Variants in ADRA1B observed in about 807,000 individuals in gnomAD.
ADRA1B encodes alpha-1B adrenergic receptor.
ADRA1B carries 17 observed loss-of-function variants against 17.9 expected under a neutral mutation model. The ratio of observed to expected loss-of-function variants is 0.95; its 90% CI spans 0.65 to 1.42. The LOEUF (loss-of-function observed/expected upper bound fraction) is 1.42, where lower values mean the gene tolerates loss of function less well. Among genes scored for constraint, ADRA1B ranks in the 40% most tolerant of loss-of-function variants. ADRA1B has a pLI of 0.00. For synonymous variants in ADRA1B, 366 were observed against 327.6 expected (o/e 1.12, Z -1.27); for missense variants, 681 against 722.1 (o/e 0.94, Z 0.65).
intron 1 of ADRA1B, chr5:159,888,608 A>C (rs1274504796): frequency 6.6e-6 from 1 of 151,270 alleles, no homozygotes; most frequent in Non-Finnish European, 1.5e-5. Flanking sequence ...GTAGAAGAAC[A>C]AAAAAAAATG....
rs143092552 is a variant in ADRA1B, at chr5:159,905,671, T to C, written c.-255-10448T>C. Among the ~76,000 whole-genome samples the C allele has an allele frequency of 6.0e-3, 911 of 152,266 alleles. 31 individuals are homozygous for C. The highest frequency in any genetic ancestry group is 0.049 in the Admixed American group (753 of 15,286). On this transcript the variant is annotated intron_variant, in intron 1 of 2. Coordinates refer to the ADRA1B transcript ENST00000641205. Reference sequence around the variant, plus strand: ...TCAAAGAGTCATATGCAGAAGTATGTAACCACAAACCATAGCAAATGCTAT... The same window carrying C: ...TCAAAGAGTCATATGCAGAAGTATGCAACCACAAACCATAGCAAATGCTAT...
chr5:159,954,049 ATT>A (rs1755501826), intron 1 of ADRA1B, among the ~76,000 whole-genome samples: 1 of 152,202 alleles, frequency 6.6e-6, no homozygotes, highest in Non-Finnish European at 1.5e-5. Context: ...GACAAAAGAC[ATT>A]TATATGAATT....
At chr5:159,953,701 G>A (rs1230720776) in intron 1 of ADRA1B, among the ~76,000 whole-genome samples, 3 of 152,292 alleles carry the variant, frequency 2.0e-5, no homozygotes, top group Admixed American at 6.5e-5. Flanking sequence ...TGTGAGGACT[G>A]AATAATTAGT....
intron 1 of ADRA1B, among the ~76,000 whole-genome samples, chr5:159,887,823 T>C (rs1753941880): frequency 6.6e-6 from 1 of 152,016 alleles, no homozygotes; most frequent in Non-Finnish European, 1.5e-5. Context: ...TAATGCAGAG[T>C]TATAACTATG....
chr5:159,873,234 A>T (rs541289503), intron 1 of ADRA1B, among the ~76,000 whole-genome samples: 1 of 152,210 alleles, frequency 6.6e-6, no homozygotes, highest in Non-Finnish European at 1.5e-5. Flanking sequence ...TGCAATAAAC[A>T]TAAGTATGCA....
intron 1 of ADRA1B, chr5:159,951,278 G>A: frequency 7.9e-7 from 1 of 1,260,344 alleles, no homozygotes; most frequent in Non-Finnish European, 1.1e-6. Flanking sequence ...GGAAGATGGT[G>A]ATGGGATTTC....
In ADRA1B at chr5:159,873,720, G is replaced by A. The variant is rs537053652; in HGVS notation, c.-256+8514G>A. ...CAACAGGAGTGAAAGCCATGGCAAT[G>A]ACCATCGTGGAGGTGGTTTCACCTC... On this transcript the variant is annotated intron_variant, in intron 1 of 2. Transcript: ENST00000641205. Among the ~76,000 whole-genome samples, 7 of 152,302 alleles carry A rather than the reference G, an allele frequency of 4.6e-5. No individual in the cohort carries two copies. In the South Asian group the frequency reaches 1.5e-3, roughly 32 times the overall value.
chr5:159,917,439 C>A lies in ADRA1B; in HGVS notation c.534C>A (p.Ile178=). ...GGGTCTTGTCCACCGTCATCTCCATCGGGCCTCTCCTTGGGTGGAAGGAGC... is the reference window on the plus strand; with the variant it reads ...GGGTCTTGTCCACCGTCATCTCCATAGGGCCTCTCCTTGGGTGGAAGGAGC... ...SVWVLSTVIS[I]GPLLGWKEPA... is the part of the protein sequence containing the mutation. The change falls in exon 1 of 2, where the codon ATC becomes ATA. Residue 178 remains isoleucine, a synonymous_variant. Coordinates refer to ENST00000306675, the MANE Select transcript of ADRA1B (RefSeq NM_000679.4). 6.2e-7 allele frequency: 1 copy of A among 1,614,146 alleles called. No individual in the cohort carries two copies. Among genetic ancestry groups the A allele is most frequent in the Non-Finnish European group, 8.5e-7 (1 of 1,180,032 alleles).
At chr5:159,962,151 T>C (rs981042539) in intron 1 of ADRA1B, among the ~76,000 whole-genome samples, 34 of 152,094 alleles carry the variant, frequency 2.2e-4, no homozygotes, top group Admixed American at 2.0e-3. Flanking sequence ...TGAGCCGAGA[T>C]TGCACCACTG....
chr5:159,886,222 C>G (rs572396197), intron 1 of ADRA1B, among the ~76,000 whole-genome samples: 1 of 152,360 alleles, frequency 6.6e-6, no homozygotes, highest in East Asian at 1.9e-4. Context: ...GACCCATAGT[C>G]TGCCTTAAAT....
At chr5:159,961,335 G>C (rs1010421910) in intron 1 of ADRA1B, among the ~76,000 whole-genome samples, 3 of 152,010 alleles carry the variant, frequency 2.0e-5, no homozygotes, top group African/African-American at 7.2e-5. Flanking sequence ...TTTTGGAATG[G>C]AGTTGTTGCA....
At chr5:159,944,182 A>G (rs1423550050) in intron 1 of ADRA1B, among the ~76,000 whole-genome samples, 1 of 152,122 alleles carries the variant, frequency 6.6e-6, no homozygotes, top group Non-Finnish European at 1.5e-5. Context: ...AAACTCTTCT[A>G]AAGATACCAA....
At chr5:159,883,426 A>T (rs1284048683) in intron 1 of ADRA1B, among the ~76,000 whole-genome samples, 2 of 152,242 alleles carry the variant, frequency 1.3e-5, no homozygotes, top group Non-Finnish European at 2.9e-5. Flanking sequence ...CTAACAGACT[A>T]TCCAAGAATT....
chr5:159,889,725 T>C (rs908520250), intron 1 of ADRA1B, among the ~76,000 whole-genome samples: 3 of 152,206 alleles, frequency 2.0e-5, no homozygotes, highest in Non-Finnish European at 4.4e-5. Context: ...ACAGGTTCTG[T>C]CATGTGAATT....
intron 1 of ADRA1B, among the ~76,000 whole-genome samples, chr5:159,880,927 G>A (rs1456490451): frequency 6.6e-6 from 1 of 152,206 alleles, no homozygotes; most frequent in Non-Finnish European, 1.5e-5. Context: ...AGTGAATGAA[G>A]AGATACATGA....
At chr5:159,894,785 C>G (rs1754024227) in intron 1 of ADRA1B, among the ~76,000 whole-genome samples, 1 of 152,168 alleles carries the variant, frequency 6.6e-6, no homozygotes, top group Admixed American at 6.5e-5. Flanking sequence ...CGTGTCAGCT[C>G]TCTAGCCCCA....
At chr5:159,961,952 T>C (rs1581068236) in intron 1 of ADRA1B, among the ~76,000 whole-genome samples, 1 of 152,168 alleles carries the variant, frequency 6.6e-6, no homozygotes. Flanking sequence ...TTTAAGAATA[T>C]GTAAAGTCAG....
chr5:159,954,133 C>T (rs949010685), intron 1 of ADRA1B, among the ~76,000 whole-genome samples: 8 of 152,152 alleles, frequency 5.3e-5, no homozygotes, highest in Non-Finnish European at 1.0e-4. Flanking sequence ...AGGGGGTCAG[C>T]GAGATCCGCA....
intron 1 of ADRA1B, among the ~76,000 whole-genome samples, chr5:159,897,213 C>T (rs990700347): frequency 3.3e-5 from 5 of 152,150 alleles, no homozygotes; most frequent in African/African-American, 7.2e-5. Flanking sequence ...CCCAGTCAGG[C>T]GTGGTGGCTC....
Sources: allele counts gnomAD v4.1 joint callset (sites outside exome capture counted in the v4.1 genomes callset), GRCh38; gene constraint gnomAD v4.1.1; transcripts MANE v1.5; gene names NCBI Gene and HGNC (gene_info 2026-07-23, HGNC 2026-07-21).